Variants in KCNC1 observed in about 807,000 individuals in gnomAD.
KCNC1 encodes the protein voltage-gated potassium channel KCNC1.
A neutral mutation model predicts 43.4 loss-of-function variants in KCNC1; 8 were observed. That is an observed-to-expected ratio of 0.18 (90% CI 0.11 to 0.33). The LOEUF is 0.33. KCNC1 is among the 10% of genes least tolerant of loss of function. KCNC1 has a pLI of 1.00. For missense variants in KCNC1, 420 were observed against 836.0 expected (o/e 0.50, Z 6.14); for synonymous variants, 361 against 360.5 (o/e 1.00, Z -0.01).
chr11:17,782,038 A>C lies in KCNC1; in HGVS notation c.*304A>C, dbSNP rs1224528703. On this transcript the variant is annotated 3_prime_UTR_variant, in exon 4 of 4. Coordinates refer to ENST00000265969, the MANE Select transcript of KCNC1 (RefSeq NM_001112741.2). ...GAAAACCCAGCAAACCAAACCCACC[A>C]ACCCCCTGCAACTGTATGATTACCC... 8.3e-6 allele frequency: 3 copies of C among 360,814 alleles called. No homozygotes were observed. Among genetic ancestry groups the C allele is most frequent in the Non-Finnish European group, 1.5e-5 (3 of 201,748 alleles). The allele number at this position is 360,814 out of a possible 1,614,324, so 22.4% of individuals were successfully genotyped here.
intron 1 of KCNC1, among the ~76,000 whole-genome samples, chr11:17,737,299 TG>T (rs1222965201): frequency 6.6e-6 from 1 of 151,202 alleles, no homozygotes; most frequent in Non-Finnish European, 1.5e-5. Flanking sequence ...GGTGTTGGAG[TG>T]GGTCACTGGG....
chr11:17,774,595 C>A (rs911629734), intron 2 of KCNC1: 1 of 985,598 alleles, frequency 1.0e-6, no homozygotes, highest in Non-Finnish European at 1.2e-6. Flanking sequence ...CCTGTAAAAC[C>A]CATGCACTCC....
chr11:17,763,307 A>T (rs923569125), intron 1 of KCNC1, among the ~76,000 whole-genome samples: 1 of 151,844 alleles, frequency 6.6e-6, no homozygotes, highest in Middle Eastern at 3.2e-3. Flanking sequence ...CAAGTCCAGG[A>T]CAGTCCCAGG....
intron 1 of KCNC1, among the ~76,000 whole-genome samples, chr11:17,755,084 G>A (rs530859199): frequency 1.0e-3 from 157 of 152,292 alleles, no homozygotes; most frequent in African/African-American, 3.7e-3. Context: ...CTCTTGGGGT[G>A]CCATGAGGCA....
At position 17,773,987 on chromosome 11, in the gene KCNC1, T is replaced by G; in HGVS notation, c.1504+1389T>G. 1 of 985,538 alleles carries G rather than the reference T, an allele frequency of 1.0e-6. No individual in the cohort carries two copies. Among genetic ancestry groups the G allele is most frequent in the Admixed American group, 6.1e-5 (1 of 16,290 alleles). The allele number at this position is 985,538 out of a possible 1,614,324, so 61.0% of individuals were successfully genotyped here. A position where few individuals can be genotyped will look rare whatever the true frequency, so the allele number is the denominator to read the frequency against. On this transcript the variant is annotated intron_variant, in intron 2 of 3. Transcript: ENST00000265969. The surrounding 1 kb of genome is among the most constrained non-coding windows in gnomAD (Gnocchi z 4.1). ...CCAGTGGATGATTGATTTTCTTCCC[T>G]GCTATCGCGCTCTCTGACCCACCAC...
At position 17,772,001 on chromosome 11, in the gene KCNC1, G is replaced by T; in HGVS notation, c.907G>T (p.Ala303Ser). 3 of 1,614,062 alleles carry T rather than the reference G, an allele frequency of 1.9e-6. No individual in the cohort carries two copies. The highest frequency in any genetic ancestry group is 2.5e-6 in the Non-Finnish European group (3 of 1,180,044). Residue 303 changes from alanine (A) to serine (S), a missense_variant, in exon 2 of 4, where the codon GCC becomes TCC. This residue lies in a region of KCNC1 where 58 missense variants were observed against 256.9 expected (regional missense o/e 0.23). Transcript: ENST00000265969. ...VGLSGLSSKA[A>S]KDVLGFLRVV... ...GCTGAGCGGCCTGTCCTCCAAGGCA[G>T]CCAAGGACGTGCTGGGCTTCCTGCG... is the stretch of plus-strand genomic sequence containing the variant.
At position 17,777,745 on chromosome 11, in the gene KCNC1, G is replaced by C. The variant is rs1303917118; in HGVS notation, c.1505-1711G>C. 1 of 986,040 alleles carries C rather than the reference G, an allele frequency of 1.0e-6. No homozygotes were observed. The highest frequency in any genetic ancestry group is 1.2e-6 in the Non-Finnish European group (1 of 829,996). 61.1% of individuals were successfully genotyped at this position (986,040 alleles called of 1,614,324 possible). On this transcript the variant is annotated intron_variant, in intron 2 of 3. Coordinates refer to ENST00000265969, the MANE Select transcript of KCNC1 (RefSeq NM_001112741.2). The surrounding 1 kb of genome is among the most constrained non-coding windows in gnomAD (Gnocchi z 4.3). Reference sequence around the variant, plus strand: ...AAATGCTTTGCCATCTTGTACGAAAGACTTTTTTTTTAAGTTCCAAAATTA... The same window carrying C: ...AAATGCTTTGCCATCTTGTACGAAACACTTTTTTTTTAAGTTCCAAAATTA...
Position 17,776,503 on chromosome 11 carries a change from C to G in KCNC1, c.1505-2953C>G, listed in dbSNP as rs1177923800. On this transcript the variant is annotated intron_variant, in intron 2 of 3. Coordinates refer to ENST00000265969, the MANE Select transcript of KCNC1 (RefSeq NM_001112741.2). This position sits in a 1 kb window ranked among gnomAD's most constrained non-coding sequence, Gnocchi z 4.4. ...GCTGTGCTGACTGAGGGCCCAGCCT[C>G]GGGTTCTCCTTGCTCCAAAGTTTAA... The G allele has an allele frequency of 1.0e-6, 1 of 985,478 alleles. No homozygotes were observed. 61.0% of individuals were successfully genotyped at this position (985,478 alleles called of 1,614,324 possible).
intron 1 of KCNC1, among the ~76,000 whole-genome samples, chr11:17,759,173 A>T (rs1469738128): frequency 6.6e-6 from 1 of 152,232 alleles, no homozygotes; most frequent in Non-Finnish European, 1.5e-5. Context: ...TGTTATGGAG[A>T]GAGCTACTTT....
intron 1 of KCNC1, among the ~76,000 whole-genome samples, chr11:17,737,147 G>A (rs879888058): frequency 6.6e-6 from 1 of 152,082 alleles, no homozygotes; most frequent in Non-Finnish European, 1.5e-5. Context: ...GCAATTTTGA[G>A]GAAGTGGTCA....
chr11:17,740,714 G>A (rs1848830038), intron 1 of KCNC1, among the ~76,000 whole-genome samples: 1 of 152,070 alleles, frequency 6.6e-6, no homozygotes, highest in Admixed American at 6.5e-5. Flanking sequence ...CCAAAGTAGT[G>A]CCAATGGCCC....
Position 17,735,935 on chromosome 11 carries a change from G to T in KCNC1, c.-68G>T. ...GAGGGCGCGCGCCCCCCTCCCCGGC[G>T]CCAACTCCCCCTGGCGGCCGCTCCC... On this transcript the variant is annotated 5_prime_UTR_variant, in exon 1 of 4. Transcript: ENST00000265969. This position sits in a 1 kb window ranked among gnomAD's most constrained non-coding sequence, Gnocchi z 6.7. 1 of 1,377,468 alleles carries T rather than the reference G, an allele frequency of 7.3e-7. No homozygotes were observed. Among genetic ancestry groups the T allele is most frequent in the Non-Finnish European group, 9.3e-7 (1 of 1,074,012 alleles). The allele number at this position is 1,377,468 out of a possible 1,614,324, so 85.3% of individuals were successfully genotyped here. A position where few individuals can be genotyped will look rare whatever the true frequency, so the allele number is the denominator to read the frequency against.
Position 17,742,729 on chromosome 11 carries a change from C to G in KCNC1, c.570+6157C>G, listed in dbSNP as rs112764177. 1.3e-5 allele frequency among the ~76,000 whole-genome samples: 2 copies of G among 152,330 alleles called. No individual in the cohort carries two copies. The highest frequency in any genetic ancestry group is 4.1e-4 in the South Asian group (2 of 4,828). ...AATATTTTCATTCAGTGAAAATAAACAGGCTCAGAGAGGGAAAGACACTTG... is the reference window on the plus strand; with the variant it reads ...AATATTTTCATTCAGTGAAAATAAAGAGGCTCAGAGAGGGAAAGACACTTG... On this transcript the variant is annotated intron_variant, in intron 1 of 3. Coordinates refer to ENST00000265969, the MANE Select transcript of KCNC1 (RefSeq NM_001112741.2). The surrounding 1 kb of genome is among the most constrained non-coding windows in gnomAD (Gnocchi z 4.2).
At chr11:17,766,755 C>G (rs1849154865) in intron 1 of KCNC1, among the ~76,000 whole-genome samples, 1 of 151,996 alleles carries the variant, frequency 6.6e-6, no homozygotes, top group Admixed American at 6.6e-5. Flanking sequence ...CTGTTAGGCT[C>G]CTAGACAGAG....
intron 1 of KCNC1, among the ~76,000 whole-genome samples, chr11:17,751,556 A>C (rs534801361): frequency 6.6e-6 from 1 of 152,194 alleles, no homozygotes; most frequent in African/African-American, 2.4e-5. Context: ...GGCCCAGTAC[A>C]TGTGTGCAGA....
At position 17,777,252 on chromosome 11, in the gene KCNC1, C is replaced by T. The variant is rs1849297581; in HGVS notation, c.1505-2204C>T. On this transcript the variant is annotated intron_variant, in intron 2 of 3. Transcript: ENST00000265969. The surrounding 1 kb of genome is among the most constrained non-coding windows in gnomAD (Gnocchi z 4.3). ...CAGAGGCAGAGGCAGAGAGAAGGCA[C>T]CCCCCTCTGACCCACCCCTCCCCAG... 1 of 985,780 alleles carries T rather than the reference C, an allele frequency of 1.0e-6. No individual in the cohort carries two copies. The highest frequency in any genetic ancestry group is 1.7e-5 in the African/African-American group (1 of 57,282). The allele number at this position is 985,780 out of a possible 1,614,324, so 61.1% of individuals were successfully genotyped here.
chr11:17,764,375 C>T (rs572660108), intron 1 of KCNC1, among the ~76,000 whole-genome samples: 2 of 152,110 alleles, frequency 1.3e-5, no homozygotes, highest in African/African-American at 4.8e-5. Flanking sequence ...TGTCCACACA[C>T]ACACAAACAC....
chr11:17,764,088 T>TG (rs1849117022), intron 1 of KCNC1, among the ~76,000 whole-genome samples: 1 of 85,320 alleles, frequency 1.2e-5, no homozygotes, highest in Non-Finnish European at 2.2e-5. Context: ...CACCTACACT[T>TG]GCATAGCCCC....
chr11:17,768,611 G>GT (rs1491363269), intron 1 of KCNC1, among the ~76,000 whole-genome samples: 23 of 112,616 alleles, frequency 2.0e-4, no homozygotes, highest in South Asian at 5.9e-4. Flanking sequence ...ATGGATGTTG[G>GT]TGGGGGGGGG....
Sources: gnomAD v4.1 joint callset for allele counts (sites outside exome capture counted in the v4.1 genomes callset) on GRCh38, gnomAD v4.1.1 for gene constraint, gnomAD v4.1.1 regional missense constraint, Gnocchi (gnomAD v3.1) non-coding constraint, MANE v1.5 for transcripts, NCBI Gene and HGNC (gene_info 2026-07-23, HGNC 2026-07-21) for gene names.